Variants in PRKG2 observed in about 807,000 individuals in gnomAD.
The protein encoded by PRKG2 is protein kinase cGMP-dependent 2.
In PRKG2, 33 loss-of-function variants were observed where a neutral mutation model predicts 97.2. The ratio of observed to expected loss-of-function variants is 0.34; its 90% CI spans 0.26 to 0.45. The LOEUF (loss-of-function observed/expected upper bound fraction) is 0.45, where lower values mean the gene tolerates loss of function less well. PRKG2 is among the 20% of genes least tolerant of loss of function. The probability of loss-of-function intolerance (pLI) is 1.00; values close to 1 mark genes in which losing one functional copy is unlikely to be tolerated. For synonymous variants in PRKG2, 330 were observed against 321.8 expected (o/e 1.03, Z -0.27); for missense variants, 638 against 900.0 (o/e 0.71, Z 3.73).
In PRKG2 at chr4:81,189,216, A is replaced by C. The variant is rs1185447736; in HGVS notation, c.462-14257T>G. On this transcript the variant is annotated intron_variant, in intron 2 of 18. Transcript: ENST00000264399. The stretch of plus-strand genomic sequence containing the variant: ...ATCTGTCTTATTGTTTTGCCATCTA[A>C]ATTTTTATCCTGTAGCATAAAGCAT... Among the ~76,000 whole-genome samples, 4 of 128,020 alleles carry C rather than the reference A, an allele frequency of 3.1e-5. 1 individual carries two copies. Among genetic ancestry groups the C allele is most frequent in the Non-Finnish European group, 6.0e-5 (4 of 66,980 alleles). 84.0% of individuals were successfully genotyped at this position (128,020 alleles called of 152,430 possible). A position where few individuals can be genotyped will look rare whatever the true frequency, so the allele number is the denominator to read the frequency against.
chr4:81,203,465 C>A (rs1213744884), intron 2 of PRKG2, among the ~76,000 whole-genome samples: 1 of 152,116 alleles, frequency 6.6e-6, no homozygotes, highest in Non-Finnish European at 1.5e-5. Flanking sequence ...TTGTCTGGGT[C>A]AGATGTTTTA....
In PRKG2 at chr4:81,177,822, T is replaced by C. The variant is rs550483575; in HGVS notation, c.462-2863A>G. Among the ~76,000 whole-genome samples, 17 of 152,130 alleles carry C rather than the reference T, an allele frequency of 1.1e-4. No individual in the cohort carries two copies. In the South Asian group the frequency reaches 3.1e-3, roughly 28 times the overall value. On this transcript the variant is annotated intron_variant, in intron 2 of 18. Coordinates refer to ENST00000264399, the MANE Select transcript of PRKG2 (RefSeq NM_006259.3). The stretch of plus-strand genomic sequence containing the variant: ...GCTGATTAGATAGATAGATAATCTA[T>C]TGGAAGTATTGAAGATCTATCAACA...
At chr4:81,180,116 A>G (rs2903751) in intron 2 of PRKG2, among the ~76,000 whole-genome samples, 36,287 of 151,960 alleles carry the variant, frequency 0.24, 8,422 homozygotes, top group African/African-American at 0.59. Context: ...CTGGGCAACA[A>G]GAGTGAAACT....
intron 2 of PRKG2, among the ~76,000 whole-genome samples, chr4:81,203,037 T>C (rs1753414536): frequency 6.6e-6 from 1 of 151,832 alleles, no homozygotes; most frequent in Non-Finnish European, 1.5e-5. Context: ...TACGTGTACA[T>C]ATATAGTAAT....
At chr4:81,184,734 AGAATGTT>A (rs1158726661) in intron 2 of PRKG2, among the ~76,000 whole-genome samples, 3 of 152,216 alleles carry the variant, frequency 2.0e-5, no homozygotes, top group Non-Finnish European at 1.5e-5. Flanking sequence ...AAGGAAACTA[AGAATGTT>A]GAAAAAGGGT....
upstream of PRKG2, among the ~76,000 whole-genome samples, chr4:81,216,391 A>C (rs1754274492): frequency 6.6e-6 from 1 of 152,132 alleles, no homozygotes; most frequent in Admixed American, 6.5e-5. Flanking sequence ...TTAGAGGAGA[A>C]AGGAGTGAGG....
chr4:81,159,023 G>A (rs1161094605), intron 6 of PRKG2, among the ~76,000 whole-genome samples: 1 of 151,864 alleles, frequency 6.6e-6, no homozygotes, highest in Non-Finnish European at 1.5e-5. Context: ...GAAAACCTAG[G>A]CATTACCATT....
At chr4:81,133,117 A>G (rs1417750949) in intron 14 of PRKG2, among the ~76,000 whole-genome samples, 1 of 152,062 alleles carries the variant, frequency 6.6e-6, no homozygotes, top group African/African-American at 2.4e-5. Context: ...ACCAACATAG[A>G]TTCATTTCAT....
Position 81,152,038 on chromosome 4 carries a change from C to T in PRKG2, c.1007G>A (p.Ser336Asn), listed in dbSNP as rs1272181329. The change falls in exon 8 of 19, where the codon AGC (serine) becomes AAC (asparagine). Residue 336 changes from serine to asparagine, a missense_variant. Ser to Asn is a conservative substitution (Grantham distance 46). Transcript: ENST00000264399. Reference sequence around the variant, plus strand: ...CTGTGGTTGATCATGGCCTTCTGTGCTCTGTGTTACTTTTACCTAAACAAT... The same window carrying T: ...CTGTGGTTGATCATGGCCTTCTGTGTTCTGTGTTACTTTTACCTAAACAAT... ...LAKGKVKVTQ[S>N]TEGHDQPQLI... 2.4e-5 allele frequency: 39 copies of T among 1,611,588 alleles called. No homozygotes were observed. Among genetic ancestry groups the T allele is most frequent in the Non-Finnish European group, 3.2e-5 (38 of 1,178,696 alleles).
intron 14 of PRKG2, among the ~76,000 whole-genome samples, chr4:81,113,629 C>T (rs1051796495): frequency 1.3e-5 from 2 of 152,130 alleles, no homozygotes; most frequent in Non-Finnish European, 2.9e-5. Flanking sequence ...AGTATGAACT[C>T]TTTCCCAGAA....
rs1746543954 is a variant in PRKG2, at chr4:81,135,059, G to A, written c.1776+96C>T. On this transcript the variant is annotated intron_variant, in intron 14 of 18. Coordinates refer to ENST00000264399, the MANE Select transcript of PRKG2 (RefSeq NM_006259.3). ...CCATACTGCCAAAGAGAGAATAACAGCTGCACTAAAATTAAAAAGAAAATT... is the reference window on the plus strand; with the variant it reads ...CCATACTGCCAAAGAGAGAATAACAACTGCACTAAAATTAAAAAGAAAATT... 5.8e-6 allele frequency: 7 copies of A among 1,209,498 alleles called. No individual in the cohort carries two copies. The East Asian group carries it at 1.2e-4, about 21-fold the overall frequency. The allele number at this position is 1,209,498 out of a possible 1,614,324, so 74.9% of individuals were successfully genotyped here. A position where few individuals can be genotyped will look rare whatever the true frequency, so the allele number is the denominator to read the frequency against.
intron 1 of PRKG2, among the ~76,000 whole-genome samples, 163 bp from the exon 2 acceptor site, chr4:81,205,223 A>C (rs548775193): frequency 3.2e-4 from 49 of 151,542 alleles, no homozygotes; most frequent in Non-Finnish European, 5.9e-4. Context: ...AAAAAAAGCT[A>C]TCTATTGATT....
intron 15 of PRKG2, among the ~76,000 whole-genome samples, chr4:81,108,513 T>C (rs1743585933): frequency 6.6e-6 from 1 of 151,738 alleles, no homozygotes; most frequent in African/African-American, 2.4e-5. Context: ...TTCCCTCCTA[T>C]GCTCTGGAGT....
chr4:81,131,002 T>A (rs1746120928), intron 14 of PRKG2, among the ~76,000 whole-genome samples: 1 of 152,152 alleles, frequency 6.6e-6, no homozygotes, highest in African/African-American at 2.4e-5. Flanking sequence ...TGGTTCTGTC[T>A]CACTTGCATT....
chr4:81,194,483 G>A (rs17005087), intron 2 of PRKG2, among the ~76,000 whole-genome samples: 1,760 of 151,420 alleles, frequency 0.012, 33 homozygotes, highest in African/African-American at 0.04. Flanking sequence ...TCCCATGGAT[G>A]TCATAAAATA....
Position 81,088,643 on chromosome 4 carries a change from AATT to A in PRKG2, c.*1062_*1064del, listed in dbSNP as rs1392069758. On this transcript the variant is annotated 3_prime_UTR_variant, in exon 19 of 19. Coordinates refer to ENST00000264399, the MANE Select transcript of PRKG2 (RefSeq NM_006259.3). ...GTGGCTTGCCTGTCTTAACAATCTAAATTTATAAACACATCCATGACTCAGATG... is the reference window on the plus strand; with the variant it reads ...GTGGCTTGCCTGTCTTAACAATCTAATATAAACACATCCATGACTCAGATG... The A allele has an allele frequency of 1.3e-5, 2 of 152,156 alleles. No homozygotes were observed. The highest frequency in any genetic ancestry group is 2.9e-5 in the Non-Finnish European group (2 of 68,012). The allele number at this position is 152,156 out of a possible 1,614,324, so 9.4% of individuals were successfully genotyped here.
rs1234854449 is a variant in PRKG2, at chr4:81,110,338, GA to G, written c.1940+109del. ...TGAGAAAAAGGTATCATACTTAATC[GA>G]AAACATTTTCAAAATGTTACGCTCT... On this transcript the variant is annotated intron_variant, in intron 15 of 18. Transcript: ENST00000264399. 7.5e-6 allele frequency: 9 copies of G among 1,201,104 alleles called. No homozygotes were observed. In the African/African-American group the frequency reaches 1.2e-4, roughly 17 times the overall value. The allele number at this position is 1,201,104 out of a possible 1,614,324, so 74.4% of individuals were successfully genotyped here.
intron 9 of PRKG2, among the ~76,000 whole-genome samples, chr4:81,145,970 AGGGTAT>A (rs1247056765): frequency 1.3e-5 from 2 of 152,128 alleles, no homozygotes; most frequent in African/African-American, 4.8e-5. Flanking sequence ...CCTACTGTGC[AGGGTAT>A]TTTTCCTTTC....
chr4:81,115,944 A>C (rs1744470212), intron 14 of PRKG2, among the ~76,000 whole-genome samples: 1 of 152,226 alleles, frequency 6.6e-6, no homozygotes, highest in South Asian at 2.1e-4. Context: ...CTATGTATCA[A>C]CTATGTTTCT....
Sources: allele counts gnomAD v4.1 joint callset (sites outside exome capture counted in the v4.1 genomes callset), GRCh38; gene constraint gnomAD v4.1.1; transcripts MANE v1.5; gene names NCBI Gene and HGNC (gene_info 2026-07-23, HGNC 2026-07-21).